Variants in PAK2 observed in about 807,000 individuals in gnomAD.
PAK2 encodes the protein serine/threonine-protein kinase PAK 2.
Under a neutral mutation model 65.9 loss-of-function variants are expected in PAK2, and 21 were observed. The observed-to-expected ratio is 0.32, with a 90% CI of 0.23 to 0.46. PAK2 has a LOEUF of 0.46. PAK2 is among the 20% of genes least tolerant of loss of function. PAK2 has a pLI of 1.00. For missense variants in PAK2, 324 were observed against 642.6 expected, an observed-to-expected ratio of 0.50 and a Z score of 5.36; for synonymous variants, 204 against 219.7, an observed-to-expected ratio of 0.93 and a Z score of 0.63.
rs1172064915 is a variant in PAK2 at position 196,832,417 on chromosome 3, A to G, written c.*4012A>G. 6.6e-6 allele frequency: 1 copy of G among 152,158 alleles called. No homozygotes were observed. Among genetic ancestry groups the G allele is most frequent in the Non-Finnish European group, 1.5e-5 (1 of 68,040 alleles). The allele number at this position is 152,158 out of a possible 1,614,324, so 9.4% of individuals were successfully genotyped here. On this transcript the variant is annotated 3_prime_UTR_variant, in exon 15 of 15. Coordinates refer to ENST00000327134, the MANE Select transcript of PAK2 (RefSeq NM_002577.4). ...AATTATTTAATTGTTATACATTGAC[A>G]TTAACTGCTGTATTTTGACTTTGTT...
intron 2 of PAK2, among the ~76,000 whole-genome samples, chr3:196,786,826 C>CT (rs112180328): frequency 0.18 from 26,319 of 146,394 alleles, 2,414 homozygotes; most frequent in Middle Eastern, 0.21. Flanking sequence ...ATCTTACAAT[C>CT]TTTTTTTTTT....
At chr3:196,807,574 A>AAG (rs1465694902) in intron 6 of PAK2, among the ~76,000 whole-genome samples, 6 of 152,166 alleles carry the variant, frequency 3.9e-5, no homozygotes, top group African/African-American at 1.4e-4. Flanking sequence ...CTTTTCAAAT[A>AAG]TATTCATGCT....
intron 14 of PAK2, among the ~76,000 whole-genome samples, 155 bp from the exon 15 acceptor site, chr3:196,828,164 G>A (rs184066111): frequency 2.0e-5 from 3 of 152,210 alleles, no homozygotes; most frequent in African/African-American, 7.2e-5. Flanking sequence ...AAAGTAATGC[G>A]TTGATTATGT....
chr3:196,811,954 GTA>G (rs2108765570), intron 8 of PAK2, among the ~76,000 whole-genome samples: 1 of 152,158 alleles, frequency 6.6e-6, no homozygotes, highest in East Asian at 1.9e-4. Context: ...GTATCCTTAA[GTA>G]TATGTTATAT....
intron 1 of PAK2, among the ~76,000 whole-genome samples, chr3:196,751,676 T>C (rs1160381055): frequency 5.2e-5 from 2 of 38,294 alleles, no homozygotes; most frequent in African/African-American, 1.4e-4. Flanking sequence ...TTTATATACA[T>C]ATATATATAT....
chr3:196,786,166 C>CTTT (rs201222000), intron 2 of PAK2, among the ~76,000 whole-genome samples: 3 of 142,354 alleles, frequency 2.1e-5, no homozygotes, highest in Admixed American at 7.0e-5. Flanking sequence ...ATCAATTTCT[C>CTTT]TTTTTTTTTT....
rs1715069220 is a variant in PAK2, at chr3:196,791,567, T to G, written c.187+8734T>G. Among the ~76,000 whole-genome samples the G allele has an allele frequency of 6.6e-6, 1 of 152,188 alleles. No homozygotes were observed. The highest frequency in any genetic ancestry group is 2.4e-5 in the African/African-American group (1 of 41,468). On this transcript the variant is annotated intron_variant, in intron 2 of 14. Transcript: ENST00000327134. The surrounding 1 kb of genome is among the most constrained non-coding windows in gnomAD (Gnocchi z 4.0). ...TAGATATGTTATCTCTCACCCTTCT[T>G]TTTATATTTTTTTCTTATTTTATAT...
At chr3:196,779,733 C>T (rs1283442736) in intron 1 of PAK2, among the ~76,000 whole-genome samples, 1 of 152,194 alleles carries the variant, frequency 6.6e-6, no homozygotes, top group Non-Finnish European at 1.5e-5. Context: ...AGTACAATGG[C>T]ATGATCTCAG....
At chr3:196,752,840 C>T (rs1337733183) in intron 1 of PAK2, among the ~76,000 whole-genome samples, 1 of 151,804 alleles carries the variant, frequency 6.6e-6, no homozygotes, top group East Asian at 1.9e-4. Context: ...GATCCGTCTG[C>T]CTTGGCCTCC....
chr3:196,772,437 C>G (rs1714388560), intron 1 of PAK2, among the ~76,000 whole-genome samples: 1 of 152,122 alleles, frequency 6.6e-6, no homozygotes, highest in Non-Finnish European at 1.5e-5. Context: ...TTTACTAGCC[C>G]ATCCATGCAT....
At chr3:196,749,280 G>A (rs1036685579) in intron 1 of PAK2, among the ~76,000 whole-genome samples, 2 of 151,976 alleles carry the variant, frequency 1.3e-5, no homozygotes, top group African/African-American at 4.8e-5. Flanking sequence ...GAATTGCTGG[G>A]TCATATGATA....
chr3:196,760,994 T>C (rs1316576127), intron 1 of PAK2, among the ~76,000 whole-genome samples: 1 of 152,074 alleles, frequency 6.6e-6, no homozygotes, highest in African/African-American at 2.4e-5. Flanking sequence ...CCCAGCACTT[T>C]GGGAGGCTGA....
chr3:196,743,306 G>A (rs60671445), intron 1 of PAK2, among the ~76,000 whole-genome samples: 4,535 of 152,246 alleles, frequency 0.03, 86 homozygotes, highest in Middle Eastern at 0.068. Context: ...CATGTGGTTA[G>A]GAGCTAGAGT....
At chr3:196,792,966 G>A (rs1715121875) in intron 2 of PAK2, among the ~76,000 whole-genome samples, 2 of 152,146 alleles carry the variant, frequency 1.3e-5, no homozygotes, top group Admixed American at 1.3e-4. Context: ...TTGCAGAGGG[G>A]AATCTGTGAG....
chr3:196,828,820 A>C lies in PAK2; in HGVS notation c.*415A>C. The C allele has an allele frequency of 5.8e-6, 1 of 172,974 alleles. No homozygotes were observed. 10.7% of individuals were successfully genotyped at this position (172,974 alleles called of 1,614,324 possible). A position where few individuals can be genotyped will look rare whatever the true frequency, so the allele number is the denominator to read the frequency against. On this transcript the variant is annotated 3_prime_UTR_variant, in exon 15 of 15. Coordinates refer to ENST00000327134, the MANE Select transcript of PAK2 (RefSeq NM_002577.4). ...TCATCTGCTAGTCTTTCTCTCCTTCATAGCTTTTCTTTTCCTGGACTTGCT... is the reference window on the plus strand; with the variant it reads ...TCATCTGCTAGTCTTTCTCTCCTTCCTAGCTTTTCTTTTCCTGGACTTGCT...
intron 1 of PAK2, among the ~76,000 whole-genome samples, chr3:196,751,477 G>A (rs377267230): frequency 7.0e-4 from 105 of 150,996 alleles, no homozygotes; most frequent in African/African-American, 2.3e-3. Context: ...CTAAAACCCC[G>A]TCTCTACTAA....
At chr3:196,742,775 G>A (rs937818772) in intron 1 of PAK2, among the ~76,000 whole-genome samples, 1 of 152,118 alleles carries the variant, frequency 6.6e-6, no homozygotes, top group African/African-American at 2.4e-5. Flanking sequence ...AAATTAGCCG[G>A]GCTTGGTGGC....
chr3:196,745,545 G>T (rs955933649), intron 1 of PAK2, among the ~76,000 whole-genome samples: 1 of 152,274 alleles, frequency 6.6e-6, no homozygotes, highest in East Asian at 1.9e-4. Flanking sequence ...CGGGTGCAGT[G>T]GCTTACGCCT....
intron 11 of PAK2, among the ~76,000 whole-genome samples, chr3:196,817,343 T>G (rs550170464): frequency 1.8e-4 from 27 of 151,610 alleles, no homozygotes; most frequent in Non-Finnish European, 8.8e-5. Flanking sequence ...TTTTCTTTCT[T>G]TCTGTCCGTC....
Sources: gnomAD v4.1 joint callset for allele counts (sites outside exome capture counted in the v4.1 genomes callset) on GRCh38, gnomAD v4.1.1 for gene constraint, Gnocchi (gnomAD v3.1) non-coding constraint, MANE v1.5 for transcripts, NCBI Gene and HGNC (gene_info 2026-07-23, HGNC 2026-07-21) for gene names.